The following MYH9 variants were observed in gnomAD, a reference collection of about 807,000 sequenced individuals.
MYH9 encodes myosin-9.
MYH9 carries 29 observed loss-of-function variants against 241.9 expected under a neutral mutation model. That is an observed-to-expected ratio of 0.12 (90% confidence interval 0.09 to 0.16). The LOEUF (loss-of-function observed/expected upper bound fraction) is 0.16. Among genes scored for constraint, MYH9 ranks in the 10% least tolerant of loss-of-function variants. The pLI is 1.00. For missense variants in MYH9, 1,803 were observed against 2,595.5 expected (o/e 0.69, Z 6.63); for synonymous variants, 1,047 against 1,062.6 (o/e 0.99, Z 0.29).
rs370664002 is a variant in MYH9, at chr22:36,362,936, C to T, written c.-19-13681G>A. Among the ~76,000 whole-genome samples, 3 of 152,268 alleles carry T rather than the reference C, an allele frequency of 2.0e-5. No homozygotes were observed. In the East Asian group the frequency reaches 5.8e-4, roughly 29 times the overall value. ...TTTATAACCCCACCCCAATGCCTTC[C>T]ACCAGTGCCTCTCAACCATCTTTCC... On this transcript the variant is annotated intron_variant, in intron 1 of 40. Transcript: ENST00000216181.
At position 36,326,458 on chromosome 22, in the gene MYH9, C is replaced by T. The variant is rs56029857; in HGVS notation, c.612+110G>A. 24,235 of 1,058,286 alleles carry T rather than the reference C, an allele frequency of 0.023. 350 individuals carry two copies. The highest frequency in any genetic ancestry group is 0.027 in the Non-Finnish European group (18,257 of 678,632). The allele number at this position is 1,058,286 out of a possible 1,614,324, so 65.6% of individuals were successfully genotyped here. A position where few individuals can be genotyped will look rare whatever the true frequency, so the allele number is the denominator to read the frequency against. On this transcript the variant is annotated intron_variant, in intron 5 of 40. Coordinates refer to ENST00000216181, the MANE Select transcript of MYH9 (RefSeq NM_002473.6). ...AAATGGGCCCAGCCTCTGCTTCATT[C>T]CCCAAAGCATCCTCTTGTAAAGCTG...
At chr22:36,335,535 C>A (rs977851631) in intron 3 of MYH9, among the ~76,000 whole-genome samples, 1 of 152,242 alleles carries the variant, frequency 6.6e-6, no homozygotes, top group South Asian at 2.1e-4. Context: ...AGCTTTTCTG[C>A]CCCTTGAAGC....
Position 36,326,484 on chromosome 22 carries a change from A to G in MYH9, c.612+84T>C, listed in dbSNP as rs369008371. On this transcript the variant is annotated intron_variant, in intron 5 of 40. Coordinates refer to ENST00000216181, the MANE Select transcript of MYH9 (RefSeq NM_002473.6). ...CCCAAAGCATCCTCTTGTAAAGCTGAAGCCGGGACCACTAAGTGCTCTTCC... is the reference window on the plus strand; with the variant it reads ...CCCAAAGCATCCTCTTGTAAAGCTGGAGCCGGGACCACTAAGTGCTCTTCC... The G allele has an allele frequency of 5.9e-5, 73 of 1,237,534 alleles. 1 individual carries two copies. In the African/African-American group the frequency reaches 9.8e-4, roughly 17 times the overall value. The allele number at this position is 1,237,534 out of a possible 1,614,324, so 76.7% of individuals were successfully genotyped here.
chr22:36,366,986 T>G (rs1276309752), intron 1 of MYH9, among the ~76,000 whole-genome samples: 1 of 152,174 alleles, frequency 6.6e-6, no homozygotes, highest in Non-Finnish European at 1.5e-5. Context: ...TCTAGGTCAG[T>G]GGTCAAGGAC....
intron 3 of MYH9, among the ~76,000 whole-genome samples, chr22:36,333,286 G>A (rs929547363): frequency 2.6e-5 from 4 of 152,216 alleles, no homozygotes; most frequent in African/African-American, 9.6e-5. Context: ...GCATGAACAC[G>A]TTGCCTCGGA....
intron 1 of MYH9, among the ~76,000 whole-genome samples, chr22:36,376,821 T>C (rs1161778738): frequency 6.6e-6 from 1 of 152,104 alleles, no homozygotes; most frequent in Non-Finnish European, 1.5e-5. Flanking sequence ...CCCAGCACTT[T>C]GGGAGGCCGA....
chr22:36,346,739 G>C (rs1468438425), intron 2 of MYH9, among the ~76,000 whole-genome samples: 1 of 152,030 alleles, frequency 6.6e-6, no homozygotes, highest in African/African-American at 2.4e-5. Flanking sequence ...GAAATAGCTG[G>C]GACTATAGGC....
intron 3 of MYH9, 61 bp from the exon 4 acceptor site, chr22:36,327,549 CCCAAAGAGCTGCCCGTT>C: frequency 6.3e-7 from 1 of 1,597,670 alleles, no homozygotes; most frequent in Non-Finnish European, 8.6e-7. Flanking sequence ...CCACCTTGCT[CCCAAAGAGCTGCCCGTT>C]TCCCAGACAG....
chr22:36,285,374 G>A lies in MYH9; in HGVS notation c.5275-45C>T. ...GACCTTGGGGAGGGCTGGGGCCCTG[G>A]CTGGAGGGCATGAGCAGGGCCAGAG... is the stretch of plus-strand genomic sequence containing the variant. On this transcript the variant is annotated intron_variant, in intron 37 of 40. Transcript: ENST00000216181. The surrounding 1 kb of genome is among the most constrained non-coding windows in gnomAD (Gnocchi z 7.0). 1 of 1,579,934 alleles carries A rather than the reference G, an allele frequency of 6.3e-7. No individual in the cohort carries two copies. The highest frequency in any genetic ancestry group is 8.6e-7 in the Non-Finnish European group (1 of 1,160,004).
chr22:36,356,225 A>G (rs867534297), intron 1 of MYH9, among the ~76,000 whole-genome samples: 1 of 151,962 alleles, frequency 6.6e-6, no homozygotes, highest in Non-Finnish European at 1.5e-5. Context: ...TTCTCTTTCT[A>G]CTTGCGGCCG....
rs568580848 is a variant in MYH9 at position 36,324,078 on chromosome 22, C to T, written c.613-1557G>A. Among the ~76,000 whole-genome samples the T allele has an allele frequency of 1.9e-4, 29 of 152,372 alleles. No individual in the cohort carries two copies. In the South Asian group the frequency reaches 2.7e-3, roughly 14 times the overall value. On this transcript the variant is annotated intron_variant, in intron 5 of 40. Coordinates refer to ENST00000216181, the MANE Select transcript of MYH9 (RefSeq NM_002473.6). ...AGGCTGGCTGAACCGCTCCCATTCCCGCAGACAGAAGGGAGCGCGGCCCCT... is the reference window on the plus strand; with the variant it reads ...AGGCTGGCTGAACCGCTCCCATTCCTGCAGACAGAAGGGAGCGCGGCCCCT...
At chr22:36,341,228 G>C (rs979923214) in intron 3 of MYH9, 142 bp downstream of exon 3, 3 of 998,418 alleles carry the variant, frequency 3.0e-6, no homozygotes, top group Admixed American at 1.9e-5. Context: ...TTCATACAGA[G>C]GTCTACAGAC....
Position 36,292,205 on chromosome 22 carries a change from G to A in MYH9, c.4125C>T (p.Asp1375=). 6.2e-7 allele frequency: 1 copy of A among 1,614,016 alleles called. No individual in the cohort carries two copies. Among genetic ancestry groups the A allele is most frequent in the South Asian group, 1.1e-5 (1 of 91,080 alleles). Residue 1375 remains aspartate, a synonymous_variant, in exon 31 of 41, where the codon GAC becomes GAT. Transcript: ENST00000216181. ...CAGCAGTTTCCAGGCACCCCACACT[G>A]TCCTCCATCTTCTTTTTCATGTCGG... The part of the protein sequence containing the change: ...QVADMKKKME[D]SVGCLETAEE...
intron 7 of MYH9, 49 bp downstream of exon 7, chr22:36,321,709 G>T: frequency 6.5e-7 from 1 of 1,548,882 alleles, no homozygotes; most frequent in Non-Finnish European, 8.9e-7. Flanking sequence ...CAGAGGTCAT[G>T]CCTCCCCTCC....
At chr22:36,318,902 T>G (rs1421871632) in intron 10 of MYH9, among the ~76,000 whole-genome samples, 1 of 152,142 alleles carries the variant, frequency 6.6e-6, no homozygotes, top group Non-Finnish European at 1.5e-5. Flanking sequence ...TAGCTGGGAT[T>G]ACAGGCGCAC....
chr22:36,285,216 C>T lies in MYH9; in HGVS notation c.5388G>A (p.Glu1796=). 6.2e-7 allele frequency: 1 copy of T among 1,614,222 alleles called. No individual in the cohort carries two copies. Among genetic ancestry groups the T allele is most frequent in the Non-Finnish European group, 8.5e-7 (1 of 1,180,042 alleles). ...ACTTGGACTTGACAGTGCCCTCCAT[C>T]TCCTGCAGCTTGACCTTAAGCTCCT... ...QNKELKVKLQ[E]MEGTVKSKYK... is the part of the protein sequence containing the mutation. Residue 1796 remains glutamate (E), a synonymous_variant, in exon 38 of 41, where the codon GAG becomes GAA. Transcript: ENST00000216181. This position sits in a 1 kb window ranked among gnomAD's most constrained non-coding sequence, Gnocchi z 7.0.
intron 11 of MYH9, among the ~76,000 whole-genome samples, chr22:36,317,231 A>G (rs1358740378): frequency 6.6e-6 from 1 of 151,334 alleles, no homozygotes; most frequent in Non-Finnish European, 1.5e-5. Flanking sequence ...GGCTCTTTAC[A>G]CTCTCCCCTC....
intron 38 of MYH9, among the ~76,000 whole-genome samples, 178 bp from the exon 39 acceptor site, chr22:36,284,689 C>G (rs2016549655): frequency 6.6e-6 from 1 of 152,112 alleles, no homozygotes; most frequent in African/African-American, 2.4e-5. Flanking sequence ...GCAAATAGCC[C>G]CATTTACAGA....
intron 14 of MYH9, among the ~76,000 whole-genome samples, chr22:36,310,689 C>T (rs180859567): frequency 1.4e-3 from 215 of 152,360 alleles, no homozygotes; most frequent in South Asian, 2.5e-3. Flanking sequence ...ACATCCTTGT[C>T]CTTTTAGCGG....
Sources: gnomAD v4.1 joint callset for allele counts (sites outside exome capture counted in the v4.1 genomes callset) on GRCh38, gnomAD v4.1.1 for gene constraint, Gnocchi (gnomAD v3.1) non-coding constraint, MANE v1.5 for transcripts, NCBI Gene and HGNC (gene_info 2026-07-23, HGNC 2026-07-21) for gene names.